Variants in ABCB5 observed in about 807,000 individuals in gnomAD.
ABCB5 encodes the protein ATP-binding cassette sub-family B member 5.
In ABCB5, 155 loss-of-function variants were observed where a neutral mutation model predicts 144.2. The ratio of observed to expected loss-of-function variants is 1.08; its 90% CI spans 0.94 to 1.23. The LOEUF (loss-of-function observed/expected upper bound fraction) is 1.23. Among genes scored for constraint, ABCB5 ranks in the 50% most tolerant of loss-of-function variants. ABCB5 has a pLI of 0.00. For missense variants in ABCB5, 1,830 were observed against 1,520.8 expected, an observed-to-expected ratio of 1.20 and a Z score of -3.38; for synonymous variants, 610 against 528.6, an observed-to-expected ratio of 1.15 and a Z score of -2.11.
chr7:20,738,770 A>C (rs1287727999), intron 23 of ABCB5, among the ~76,000 whole-genome samples: 1 of 152,104 alleles, frequency 6.6e-6, no homozygotes, highest in African/African-American at 2.4e-5. Context: ...AGATTACCCA[A>C]GCTCCAAAGT....
At chr7:20,686,337 C>T (rs1468604563) in intron 16 of ABCB5, among the ~76,000 whole-genome samples, 1 of 152,138 alleles carries the variant, frequency 6.6e-6, no homozygotes, top group African/African-American at 2.4e-5. Context: ...CCCCAAAGCC[C>T]CAGGCTCTGC....
chr7:20,738,370 C>T (rs1782455183), intron 23 of ABCB5, among the ~76,000 whole-genome samples: 1 of 152,180 alleles, frequency 6.6e-6, no homozygotes, highest in East Asian at 1.9e-4. Flanking sequence ...TTATAATTAA[C>T]ATGTTTTGAA....
intron 26 of ABCB5, among the ~76,000 whole-genome samples, chr7:20,751,147 A>G (rs1782915077): frequency 6.6e-6 from 1 of 152,040 alleles, no homozygotes; most frequent in Admixed American, 6.6e-5. Context: ...AGGAGCCATT[A>G]CCCCTTGAGT....
intron 1 of ABCB5, among the ~76,000 whole-genome samples, chr7:20,618,111 A>G (rs376294516): frequency 6.6e-6 from 1 of 152,228 alleles, no homozygotes; most frequent in African/African-American, 2.4e-5. Context: ...AAGTTTTTGT[A>G]TATTCATAGA....
chr7:20,706,034 T>C (rs1786810596), intron 20 of ABCB5, among the ~76,000 whole-genome samples: 1 of 152,156 alleles, frequency 6.6e-6, no homozygotes, highest in African/African-American at 2.4e-5. Context: ...GGTTCTAGAA[T>C]TTTGTTAGAT....
chr7:20,632,119 T>G lies in ABCB5; in HGVS notation c.314+6T>G. The G allele has an allele frequency of 1.3e-6, 2 of 1,503,248 alleles. No individual in the cohort carries two copies. The highest frequency in any genetic ancestry group is 2.6e-5 in the South Asian group (2 of 77,036). 93.1% of individuals were successfully genotyped at this position (1,503,248 alleles called of 1,614,324 possible). On this transcript the variant is annotated splice_donor_region_variant and intron_variant, in intron 5 of 27. Coordinates refer to ENST00000404938, the MANE Select transcript of ABCB5 (RefSeq NM_001163941.2). ...CTGAATGAAGATATGACTCTGTAAG[T>G]CCAAATGAAACGTTAATATCACATT...
At position 20,718,543 on chromosome 7, in the gene ABCB5, G is replaced by A. The variant is rs556724273; in HGVS notation, c.2422-4473G>A. Among the ~76,000 whole-genome samples the A allele has an allele frequency of 4.6e-5, 7 of 152,234 alleles. No individual in the cohort carries two copies. In the East Asian group the frequency reaches 1.4e-3, roughly 29 times the overall value. ...TGTTTTAGTGAGAAATTGGAAAATG[G>A]TTGAGTCATCACCAGATACAGTCTT... On this transcript the variant is annotated intron_variant, in intron 20 of 27. Coordinates refer to ENST00000404938, the MANE Select transcript of ABCB5 (RefSeq NM_001163941.2).
intron 11 of ABCB5, 24 bp downstream of exon 11, chr7:20,648,102 T>C: frequency 4.3e-6 from 6 of 1,385,966 alleles, no homozygotes; most frequent in Non-Finnish European, 6.1e-6. Flanking sequence ...AATTACGCAA[T>C]TGTGCAGTTT....
intron 14 of ABCB5, among the ~76,000 whole-genome samples, chr7:20,665,953 T>G (rs1785177822): frequency 6.6e-6 from 1 of 151,528 alleles, no homozygotes; most frequent in African/African-American, 2.4e-5. Context: ...GCGGATCACC[T>G]AAGGTCAGGA....
At chr7:20,628,939 A>G in intron 4 of ABCB5, 101 bp downstream of exon 4, 2 of 1,343,326 alleles carry the variant, frequency 1.5e-6, no homozygotes, top group Non-Finnish European at 2.0e-6. Context: ...ATTGTAAAAC[A>G]GTATCTGTAT....
chr7:20,740,826 G>A (rs1782537027), intron 24 of ABCB5, among the ~76,000 whole-genome samples: 1 of 152,046 alleles, frequency 6.6e-6, no homozygotes, highest in Non-Finnish European at 1.5e-5. Context: ...TAAAATCTGG[G>A]CAGGGTGTGG....
chr7:20,698,852 A>G (rs955988151), intron 17 of ABCB5, among the ~76,000 whole-genome samples: 2 of 152,236 alleles, frequency 1.3e-5, no homozygotes, highest in Non-Finnish European at 2.9e-5. Context: ...ATAGGCAAAT[A>G]CAACTACTTT....
At chr7:20,745,107 A>C in intron 25 of ABCB5, 125 bp from the exon 26 acceptor site, 4 of 1,030,404 alleles carry the variant, frequency 3.9e-6, no homozygotes, top group Middle Eastern at 3.1e-4. Context: ...GGGTAACTTT[A>C]TACTTTGAAA....
chr7:20,687,564 G>A (rs1403261412), intron 16 of ABCB5, among the ~76,000 whole-genome samples: 1 of 152,190 alleles, frequency 6.6e-6, no homozygotes, highest in Admixed American at 6.5e-5. Context: ...TGGAGCTAAA[G>A]TTTATAGAAA....
intron 14 of ABCB5, among the ~76,000 whole-genome samples, chr7:20,661,930 T>C (rs1384317752): frequency 6.6e-6 from 1 of 152,198 alleles, no homozygotes; most frequent in Non-Finnish European, 1.5e-5. Flanking sequence ...CGTCAGTGAA[T>C]AAAGGTTCAT....
At chr7:20,623,865 G>T (rs1352076230) in intron 2 of ABCB5, among the ~76,000 whole-genome samples, 1 of 152,022 alleles carries the variant, frequency 6.6e-6, no homozygotes, top group Non-Finnish European at 1.5e-5. Flanking sequence ...TGTTATATTT[G>T]GACATACAAT....
chr7:20,687,263 T>G (rs1029308337), intron 16 of ABCB5, among the ~76,000 whole-genome samples: 1 of 152,214 alleles, frequency 6.6e-6, no homozygotes, highest in African/African-American at 2.4e-5. Context: ...ACCGTATTTA[T>G]GAAGTGGATT....
intron 26 of ABCB5, among the ~76,000 whole-genome samples, chr7:20,747,654 GCTAA>G (rs969317246): frequency 1.1e-4 from 17 of 152,122 alleles, no homozygotes; most frequent in Admixed American, 3.3e-4. Context: ...AATCCACTGT[GCTAA>G]CTTTTTACAA....
intron 20 of ABCB5, among the ~76,000 whole-genome samples, chr7:20,713,295 A>G (rs926543178): frequency 6.7e-6 from 1 of 148,644 alleles, no homozygotes; most frequent in Admixed American, 6.7e-5. Context: ...GTGCAGTGGC[A>G]TGAACACAGT....
Sources: gnomAD v4.1 joint callset for allele counts (sites outside exome capture counted in the v4.1 genomes callset) on GRCh38, gnomAD v4.1.1 for gene constraint, MANE v1.5 for transcripts, NCBI Gene and HGNC (gene_info 2026-07-23, HGNC 2026-07-21) for gene names.